The following SOX5 variants were observed in gnomAD, a reference collection of about 807,000 sequenced individuals.
The protein encoded by SOX5 is SRY-box transcription factor 5.
SOX5 carries 9 observed loss-of-function variants against 92.0 expected under a neutral mutation model. The observed-to-expected ratio is 0.10, with a 90% CI of 0.06 to 0.17. The LOEUF (loss-of-function observed/expected upper bound fraction) is 0.17. Ranked by LOEUF, SOX5 falls within the 10% of genes least tolerant of loss-of-function variation. The pLI is 1.00. For missense variants in SOX5, 642 were observed against 944.5 expected (o/e 0.68, Z 4.20); for synonymous variants, 344 against 336.3 (o/e 1.02, Z -0.25).
intron 4 of SOX5, among the ~76,000 whole-genome samples, chr12:24,040,802 G>A (rs1344667995): frequency 6.6e-6 from 1 of 152,162 alleles, no homozygotes; most frequent in Non-Finnish European, 1.5e-5. Flanking sequence ...ACACCTGGGA[G>A]GCGGAGCGTG....
At position 23,533,028 on chromosome 12, in the gene SOX5, C is replaced by G. The variant is rs545305511; in HGVS notation, c.*1191G>C. 3.1e-6 allele frequency: 1 copy of G among 323,150 alleles called. No individual in the cohort carries two copies. The highest frequency in any genetic ancestry group is 2.1e-5 in the African/African-American group (1 of 46,850). 20.0% of individuals were successfully genotyped at this position (323,150 alleles called of 1,614,324 possible). A position where few individuals can be genotyped will look rare whatever the true frequency, so the allele number is the denominator to read the frequency against. ...GCTTCCATGTTATACATGCACACCTCTATTACACAGGGCCACCTGATCCAT... is the reference window on the plus strand; with the variant it reads ...GCTTCCATGTTATACATGCACACCTGTATTACACAGGGCCACCTGATCCAT... On this transcript the variant is annotated 3_prime_UTR_variant, in exon 15 of 15. Coordinates refer to ENST00000451604, the MANE Select transcript of SOX5 (RefSeq NM_006940.6).
At position 24,306,646 on chromosome 12, in the gene SOX5, G is replaced by A. The variant is rs371420122; in HGVS notation, c.-173-29334C>T. Among the ~76,000 whole-genome samples, 16 of 152,252 alleles carry A rather than the reference G, an allele frequency of 1.1e-4. No individual in the cohort carries two copies. The East Asian group carries it at 1.5e-3, about 15-fold the overall frequency. On this transcript the variant is annotated intron_variant, in intron 2 of 4. Transcript: ENST00000446891. ...GAGAGGCAACGCTGAGGCCACTTCT[G>A]GGGGCTCAAAACATGGAGCATTTTC...
chr12:24,555,393 C>A (rs1250871292), intron 1 of SOX5, among the ~76,000 whole-genome samples: 1 of 152,126 alleles, frequency 6.6e-6, no homozygotes, highest in Non-Finnish European at 1.5e-5. Context: ...ATAAATGAAC[C>A]AAGCTATTTT....
intron 1 of SOX5, among the ~76,000 whole-genome samples, chr12:24,381,321 A>C (rs1957803958): frequency 6.6e-6 from 1 of 152,252 alleles, no homozygotes; most frequent in African/African-American, 2.4e-5. Flanking sequence ...GATAGATTTT[A>C]GAATGTTTCT....
chr12:23,939,642 A>G (rs75434571), intron 1 of SOX5, among the ~76,000 whole-genome samples: 1,772 of 151,054 alleles, frequency 0.012, 33 homozygotes, highest in African/African-American at 0.039. Flanking sequence ...AGATATGTAT[A>G]TTCCTGATGG....
chr12:24,362,113 G>C (rs904635058), intron 2 of SOX5, among the ~76,000 whole-genome samples: 1 of 152,206 alleles, frequency 6.6e-6, no homozygotes, highest in Non-Finnish European at 1.5e-5. Flanking sequence ...AAGTCAGCTA[G>C]GCAAATAAGT....
At chr12:24,314,184 C>T (rs10771077) in intron 2 of SOX5, among the ~76,000 whole-genome samples, 20,053 of 152,116 alleles carry the variant, frequency 0.13, 1,690 homozygotes, top group East Asian at 0.48. Flanking sequence ...CTCCCAACTG[C>T]AGCCAGAGTG....
intron 6 of SOX5, among the ~76,000 whole-genome samples, chr12:23,680,036 T>C (rs917949097): frequency 2.6e-5 from 4 of 151,484 alleles, no homozygotes; most frequent in Admixed American, 2.0e-4. Flanking sequence ...ATGAAAAATA[T>C]AATAACAGGC....
intron 2 of SOX5, among the ~76,000 whole-genome samples, chr12:24,353,169 A>AT (rs1431075060): frequency 6.6e-6 from 1 of 152,218 alleles, no homozygotes; most frequent in Non-Finnish European, 1.5e-5. Context: ...ACCCGGCTCT[A>AT]TAAGCTGCCC....
intron 3 of SOX5, among the ~76,000 whole-genome samples, chr12:23,834,159 T>G (rs1479992717): frequency 1.3e-5 from 2 of 151,906 alleles, no homozygotes; most frequent in Non-Finnish European, 2.9e-5. Context: ...TAAAAATTCA[T>G]CAGGTAGGTA....
At chr12:24,093,718 G>T (rs12297188) in intron 4 of SOX5, among the ~76,000 whole-genome samples, 2 of 141,986 alleles carry the variant, frequency 1.4e-5, no homozygotes, top group African/African-American at 2.6e-5. Context: ...AATTGAATAA[G>T]ACTGCAATGG....
At chr12:24,285,049 C>T (rs562795373) in intron 2 of SOX5, among the ~76,000 whole-genome samples, 1 of 152,010 alleles carries the variant, frequency 6.6e-6, no homozygotes, top group Non-Finnish European at 1.5e-5. Context: ...CGCTTGAACC[C>T]TTGAACCCGG....
chr12:24,261,799 G>A (rs1373922308), intron 3 of SOX5, among the ~76,000 whole-genome samples: 2 of 152,196 alleles, frequency 1.3e-5, no homozygotes, highest in East Asian at 1.9e-4. Context: ...AAATACCATC[G>A]TCTTAGCTTT....
intron 4 of SOX5, among the ~76,000 whole-genome samples, chr12:24,013,641 T>A (rs912785528): frequency 2.0e-5 from 3 of 152,176 alleles, no homozygotes; most frequent in Non-Finnish European, 4.4e-5. Flanking sequence ...AATTTGTATC[T>A]GGTCTTATTT....
intron 7 of SOX5, among the ~76,000 whole-genome samples, chr12:23,649,629 GTA>G (rs1170825664): frequency 6.6e-6 from 1 of 152,022 alleles, no homozygotes; most frequent in African/African-American, 2.4e-5. Context: ...AAGCTAAAAA[GTA>G]TACTGAGGCA....
intron 3 of SOX5, among the ~76,000 whole-genome samples, chr12:24,268,024 A>G (rs1418777470): frequency 6.6e-6 from 1 of 152,210 alleles, no homozygotes; most frequent in Non-Finnish European, 1.5e-5. Flanking sequence ...GTGGATCAGT[A>G]TTGGCTACTC....
intron 8 of SOX5, among the ~76,000 whole-genome samples, chr12:23,608,045 G>A (rs77104798): frequency 0.22 from 32,262 of 147,104 alleles, 4,285 homozygotes; most frequent in Middle Eastern, 0.36. Flanking sequence ...AGAGACAGGA[G>A]GACTGCTTGA....
intron 1 of SOX5, among the ~76,000 whole-genome samples, chr12:24,389,674 G>T (rs1380352887): frequency 6.6e-6 from 1 of 152,090 alleles, no homozygotes; most frequent in Non-Finnish European, 1.5e-5. Flanking sequence ...GAATAATTCT[G>T]CTATGAACAC....
intron 4 of SOX5, among the ~76,000 whole-genome samples, chr12:24,114,057 G>C (rs1187284701): frequency 6.6e-6 from 1 of 152,148 alleles, no homozygotes; most frequent in African/African-American, 2.4e-5. Flanking sequence ...TAGAATTATG[G>C]CTAGCATCTG....
Sources: gnomAD v4.1 joint callset for allele counts (sites outside exome capture counted in the v4.1 genomes callset) on GRCh38, gnomAD v4.1.1 for gene constraint, MANE v1.5 for transcripts, NCBI Gene and HGNC (gene_info 2026-07-23, HGNC 2026-07-21) for gene names.